The following NRXN1 variants were observed in gnomAD, a reference collection of about 807,000 sequenced individuals.
NRXN1 encodes neurexin 1, also known as neurexin-1.
In NRXN1, 39 loss-of-function variants were observed where a neutral mutation model predicts 150.9. The observed-to-expected ratio is 0.26, with a 90% CI of 0.20 to 0.34. The LOEUF (loss-of-function observed/expected upper bound fraction) is 0.34. NRXN1 is among the 10% of genes least tolerant of loss of function. The probability of loss-of-function intolerance (pLI) is 1.00; values close to 1 mark genes in which losing one functional copy is unlikely to be tolerated. For synonymous variants in NRXN1, 924 were observed against 757.0 expected (o/e 1.22, Z -3.62); for missense variants, 1,815 against 1,949.9 (o/e 0.93, Z 1.30).
At chr2:50,337,063 G>T (rs141766385) in intron 17 of NRXN1, among the ~76,000 whole-genome samples, 3 of 151,428 alleles carry the variant, frequency 2.0e-5, no homozygotes, top group African/African-American at 7.3e-5. Flanking sequence ...TTAAAAGCAT[G>T]GACTTTCTTT....
intron 21 of NRXN1, among the ~76,000 whole-genome samples, chr2:50,035,213 T>A (rs2152571503): frequency 6.6e-6 from 1 of 152,220 alleles, no homozygotes; most frequent in South Asian, 2.1e-4. Flanking sequence ...CTTTGTGAGA[T>A]TTTCTCTGGT....
intron 5 of NRXN1, among the ~76,000 whole-genome samples, chr2:50,749,335 C>T (rs1440168965): frequency 6.6e-6 from 1 of 151,874 alleles, no homozygotes; most frequent in Non-Finnish European, 1.5e-5. Context: ...TTTCTGAGGC[C>T]CTGCTCTATG....
rs556655929 is a variant in NRXN1 at position 50,765,058 on chromosome 2, G to GT, written c.833-141444_833-141443insA. Among the ~76,000 whole-genome samples, 289 of 152,070 alleles carry GT rather than the reference G, an allele frequency of 1.9e-3. 3 individuals are homozygous for GT. The highest frequency in any genetic ancestry group is 6.8e-3 in the Middle Eastern group (2 of 292). On this transcript the variant is annotated intron_variant, in intron 5 of 22. Coordinates refer to ENST00000401669, the MANE Select transcript of NRXN1 (RefSeq NM_001330078.2). ...TTCAATCTCAGGTTGAGATTTGTAA[G>GT]GAAAACCAGATATCAGACCAGCTCC... is the stretch of plus-strand genomic sequence containing the variant.
Position 50,720,364 on chromosome 2 carries a change from A to G in NRXN1, c.833-96749T>C, listed in dbSNP as rs111479168. Among the ~76,000 whole-genome samples, 291 of 152,176 alleles carry G rather than the reference A, an allele frequency of 1.9e-3. 5 individuals are homozygous for G. The highest frequency in any genetic ancestry group is 6.8e-3 in the African/African-American group (283 of 41,530). On this transcript the variant is annotated intron_variant, in intron 5 of 22. Coordinates refer to ENST00000401669, the MANE Select transcript of NRXN1 (RefSeq NM_001330078.2). ...TGTAAGCTACAAATCAGCCACATTA[A>G]CAAAGGTCGCGCTGCATCTTCCAGT...
At chr2:50,627,357 ATGTGTGTGTGTG>A (rs34870955) in intron 5 of NRXN1, among the ~76,000 whole-genome samples, 221 of 143,632 alleles carry the variant, frequency 1.5e-3, no homozygotes, top group Admixed American at 3.4e-3. Flanking sequence ...TGGTTCATGT[ATGTGTGTGTGTG>A]TGTGTGTGTG....
chr2:50,945,043 T>G (rs575245150), intron 2 of NRXN1, among the ~76,000 whole-genome samples: 1 of 152,194 alleles, frequency 6.6e-6, no homozygotes, highest in South Asian at 2.1e-4. Flanking sequence ...CTTCAGACCA[T>G]GATCTAGATG....
At chr2:50,716,350 C>A (rs928663844) in intron 5 of NRXN1, among the ~76,000 whole-genome samples, 1 of 151,832 alleles carries the variant, frequency 6.6e-6, no homozygotes, top group Non-Finnish European at 1.5e-5. Context: ...TTTAGGAAGC[C>A]GCAATCTACA....
intron 8 of NRXN1, among the ~76,000 whole-genome samples, chr2:50,605,298 G>A (rs536754078): frequency 1.3e-4 from 20 of 152,082 alleles, no homozygotes; most frequent in Non-Finnish European, 8.8e-5. Context: ...GAATCTGGCC[G>A]AGGCAATGTG....
chr2:50,206,728 G>C (rs888903649), intron 18 of NRXN1, among the ~76,000 whole-genome samples: 4 of 151,760 alleles, frequency 2.6e-5, no homozygotes, highest in African/African-American at 9.7e-5. Flanking sequence ...AGTAATGTTT[G>C]AAAACGTCAT....
intron 21 of NRXN1, among the ~76,000 whole-genome samples, chr2:49,983,658 C>T (rs113486935): frequency 6.6e-6 from 1 of 151,998 alleles, no homozygotes; most frequent in African/African-American, 2.4e-5. Flanking sequence ...CATACAGAAA[C>T]AACTTTTGTT....
intron 22 of NRXN1, among the ~76,000 whole-genome samples, chr2:49,924,762 T>C (rs1228876075): frequency 7.9e-5 from 12 of 152,192 alleles, no homozygotes; most frequent in Non-Finnish European, 1.6e-4. Flanking sequence ...CTTAAAAATA[T>C]AACCTAGAAA....
chr2:50,762,251 C>A lies in NRXN1; in HGVS notation c.833-138636G>T, dbSNP rs990769826. On this transcript the variant is annotated intron_variant, in intron 5 of 22. Transcript: ENST00000401669. ...TGAACTTCTGGACTCAAGTGATCCT[C>A]CCATGTCAGTCTCTTGAGTAGCTGA... 2.6e-5 allele frequency among the ~76,000 whole-genome samples: 4 copies of A among 152,002 alleles called. No individual in the cohort carries two copies. The East Asian group carries it at 7.8e-4, about 30-fold the overall frequency.
rs138675940 is a variant in NRXN1 at position 50,930,943 on chromosome 2, A to G, written c.773-4988T>C. On this transcript the variant is annotated intron_variant, in intron 2 of 22. Coordinates refer to ENST00000401669, the MANE Select transcript of NRXN1 (RefSeq NM_001330078.2). ...GACGTCATCATATTTTAGGATACAGAGCAAGAAAGCTCTTGGACTGAGGTT... is the reference window on the plus strand; with the variant it reads ...GACGTCATCATATTTTAGGATACAGGGCAAGAAAGCTCTTGGACTGAGGTT... 4.7e-3 allele frequency among the ~76,000 whole-genome samples: 710 copies of G among 152,284 alleles called. 6 individuals carry two copies. The highest frequency in any genetic ancestry group is 0.016 in the African/African-American group (667 of 41,564).
intron 19 of NRXN1, among the ~76,000 whole-genome samples, chr2:50,086,969 T>C (rs1483416092): frequency 6.6e-6 from 1 of 152,166 alleles, no homozygotes; most frequent in Non-Finnish European, 1.5e-5. Flanking sequence ...TATCTTTTGA[T>C]ACCTGGATTG....
intron 5 of NRXN1, among the ~76,000 whole-genome samples, chr2:50,628,486 A>G (rs1463301258): frequency 6.6e-5 from 10 of 151,780 alleles, no homozygotes. Flanking sequence ...ATGAAAGAAC[A>G]TATATACTAC....
intron 19 of NRXN1, among the ~76,000 whole-genome samples, chr2:50,059,891 C>A (rs1342221083): frequency 6.6e-6 from 1 of 152,164 alleles, no homozygotes. Context: ...TATGAAAACA[C>A]CTGAATGTCC....
chr2:50,744,979 C>T (rs17502407), intron 5 of NRXN1, among the ~76,000 whole-genome samples: 13,680 of 152,156 alleles, frequency 0.09, 688 homozygotes, highest in Middle Eastern at 0.13. Flanking sequence ...GCTTCACATG[C>T]TGCCCTCTCA....
At chr2:50,483,565 C>A (rs2090638651) in intron 15 of NRXN1, among the ~76,000 whole-genome samples, 1 of 152,148 alleles carries the variant, frequency 6.6e-6, no homozygotes, top group South Asian at 2.1e-4. Flanking sequence ...ATCCTTGTTG[C>A]AACCCTTCAC....
intron 5 of NRXN1, among the ~76,000 whole-genome samples, chr2:50,725,129 TAGAA>T (rs1433825250): frequency 4.6e-5 from 7 of 151,822 alleles, no homozygotes; most frequent in African/African-American, 1.7e-4. Flanking sequence ...ATTAGAGTAA[TAGAA>T]AGAAAATCAG....
Sources: allele counts gnomAD v4.1 joint callset (sites outside exome capture counted in the v4.1 genomes callset), GRCh38; gene constraint gnomAD v4.1.1; transcripts MANE v1.5; gene names NCBI Gene and HGNC (gene_info 2026-07-23, HGNC 2026-07-21).